Variants in ACTN2 observed in about 807,000 individuals in gnomAD.
ACTN2 encodes alpha-actinin-2.
A neutral mutation model predicts 113.8 loss-of-function variants in ACTN2; 39 were observed. The observed-to-expected ratio is 0.34, with a 90% CI of 0.27 to 0.45. The LOEUF is 0.45. Among genes scored for constraint, ACTN2 ranks in the 20% least tolerant of loss-of-function variants. The pLI, the probability that ACTN2 is intolerant of heterozygous loss-of-function variation, is 1.00. For missense variants in ACTN2, 992 were observed against 1,177.9 expected, an observed-to-expected ratio of 0.84 and a Z score of 2.31; for synonymous variants, 429 against 444.1, an observed-to-expected ratio of 0.97 and a Z score of 0.43.
chr1:236,710,376 G>A (rs76885273), intron 1 of ACTN2, among the ~76,000 whole-genome samples: 1,790 of 152,300 alleles, frequency 0.012, 36 homozygotes, highest in African/African-American at 0.04. Flanking sequence ...TCTTTTTGCC[G>A]TTAAGCACAT....
intron 13 of ACTN2, 180 bp downstream of exon 13, chr1:236,747,955 T>C: frequency 1.6e-6 from 1 of 622,232 alleles, no homozygotes; most frequent in Non-Finnish European, 2.9e-6. Flanking sequence ...AGCTTTGTGC[T>C]GTAATTTATC....
intron 9 of ACTN2, 103 bp downstream of exon 9, chr1:236,737,317 ATT>A: frequency 3.5e-6 from 1 of 288,944 alleles, no homozygotes; most frequent in Non-Finnish European, 7.1e-6. Flanking sequence ...ATATATATAT[ATT>A]TTGCATTTTT....
At chr1:236,709,293 T>C (rs1657942084) in intron 1 of ACTN2, among the ~76,000 whole-genome samples, 1 of 142,704 alleles carries the variant, frequency 7.0e-6, no homozygotes, top group Admixed American at 7.2e-5. Context: ...TATATATGTA[T>C]ATATGTATAT....
intron 1 of ACTN2, among the ~76,000 whole-genome samples, chr1:236,711,501 A>G (rs990960732): frequency 3.3e-5 from 5 of 152,158 alleles, no homozygotes; most frequent in Admixed American, 3.3e-4. Context: ...GGCATGCGCC[A>G]CCACGCCAGG....
chr1:236,715,844 T>A (rs1658188721), intron 1 of ACTN2, among the ~76,000 whole-genome samples: 1 of 152,176 alleles, frequency 6.6e-6, no homozygotes. Flanking sequence ...TATTCCTAGC[T>A]ACTAGGGTGG....
chr1:236,749,042 T>C (rs1659315959), intron 13 of ACTN2, 82 bp from the exon 14 acceptor site: 1 of 1,439,076 alleles, frequency 6.9e-7, no homozygotes, highest in South Asian at 1.2e-5. Flanking sequence ...GAGAATAGTC[T>C]GTTCTTATGG....
chr1:236,739,434 G>A lies in ACTN2; in HGVS notation c.1009G>A (p.Glu337Lys), dbSNP rs760884869. 1 of 1,614,102 alleles carries A rather than the reference G, an allele frequency of 6.2e-7. No individual in the cohort carries two copies. The highest frequency in any genetic ancestry group is 8.5e-7 in the Non-Finnish European group (1 of 1,180,028). Residue 337 changes from glutamate to lysine, a missense_variant, in exon 10 of 21, where the codon GAG (glutamate) becomes AAG (lysine). Glu to Lys is a moderately conservative substitution (Grantham distance 56). Around this residue, in one of 3 missense-constraint regions of ACTN2, gnomAD observed 736 missense variants for 815.4 expected, o/e 0.90. Transcript: ENST00000366578. ...GAAGCACAAGCCACCCAAGGTGCAG[G>A]AGAAATGCCAGCTGGAGATCAACTT... ...RRKHKPPKVQ[E>K]KCQLEINFNT...
intron 3 of ACTN2, 34 bp downstream of exon 3, chr1:236,719,047 A>C: frequency 6.2e-7 from 1 of 1,612,812 alleles, no homozygotes; most frequent in Non-Finnish European, 8.5e-7. Flanking sequence ...TGTCTGCCAC[A>C]CTGACCTAAT....
rs534602960 is a variant in ACTN2, at chr1:236,761,730, A to T, written c.2526+557A>T. 1.9e-3 allele frequency among the ~76,000 whole-genome samples: 282 copies of T among 152,260 alleles called. 1 individual carries two copies. The highest frequency in any genetic ancestry group is 6.5e-3 in the African/African-American group (271 of 41,530). The stretch of plus-strand genomic sequence containing the variant: ...TAATATTTTACCCCCCAAACAATAA[A>T]AACATCTCTATGTATAAATTCAATT... On this transcript the variant is annotated intron_variant, in intron 20 of 20. Coordinates refer to ENST00000366578, the MANE Select transcript of ACTN2 (RefSeq NM_001103.4).
At position 236,755,039 on chromosome 1, in the gene ACTN2, C is replaced by T; in HGVS notation, c.1995C>T (p.Ile665=). The change falls in exon 17 of 21, where the codon ATC becomes ATT. Residue 665 remains isoleucine (I), a synonymous_variant. Transcript: ENST00000366578. ...CTCAGGAGATTGCCCGGAGCTCCAT[C>T]CAGATCACAGGAGCCCTGGAAGACC... ...NKMEEIARSS[I]QITGALEDQM... is the part of the protein sequence containing the mutation. The T allele has an allele frequency of 6.2e-7, 1 of 1,614,220 alleles. No homozygotes were observed. The highest frequency in any genetic ancestry group is 8.5e-7 in the Non-Finnish European group (1 of 1,180,042).
intron 7 of ACTN2, among the ~76,000 whole-genome samples, chr1:236,733,593 G>T (rs1419989722): frequency 6.6e-6 from 1 of 152,200 alleles, no homozygotes; most frequent in Non-Finnish European, 1.5e-5. Context: ...GAATCTTCCG[G>T]CAAACAGTTC....
intron 6 of ACTN2, among the ~76,000 whole-genome samples, chr1:236,728,286 G>A (rs975329442): frequency 2.0e-5 from 3 of 152,040 alleles, no homozygotes; most frequent in Non-Finnish European, 4.4e-5. Context: ...TGGGACTACA[G>A]GCATCCGCCA....
chr1:236,751,832 G>A (rs1460098061), intron 15 of ACTN2, among the ~76,000 whole-genome samples, 180 bp downstream of exon 15: 2 of 152,132 alleles, frequency 1.3e-5, no homozygotes, highest in Non-Finnish European at 2.9e-5. Flanking sequence ...CTTCAGCAGC[G>A]TCTGCAGTTT....
rs1010449617 is a variant in ACTN2 at position 236,698,236 on chromosome 1, AC to A, written c.126+11438del. 5.9e-4 allele frequency among the ~76,000 whole-genome samples: 90 copies of A among 151,308 alleles called. 1 individual carries two copies. The East Asian group carries it at 0.01, about 17-fold the overall frequency. Reference sequence around the variant, plus strand: ...TTGTAAGATGCCTTAAAAAAAAAAAACATGATGTAGAATTAAACTCCAAGAT... The same window carrying A: ...TTGTAAGATGCCTTAAAAAAAAAAAAATGATGTAGAATTAAACTCCAAGAT... On this transcript the variant is annotated intron_variant, in intron 1 of 20. Coordinates refer to ENST00000366578, the MANE Select transcript of ACTN2 (RefSeq NM_001103.4).
intron 1 of ACTN2, among the ~76,000 whole-genome samples, chr1:236,695,902 G>A (rs1657484034): frequency 6.6e-6 from 1 of 152,268 alleles, no homozygotes; most frequent in South Asian, 2.1e-4. Context: ...ACTGAAAACA[G>A]ATTCTTATTA....
chr1:236,742,853 T>C, intron 10 of ACTN2, 43 bp from the exon 11 acceptor site: 1 of 1,612,980 alleles, frequency 6.2e-7, no homozygotes, highest in South Asian at 1.1e-5. Flanking sequence ...GTAACGAAGG[T>C]GCTTGTTACA....
rs375028580 is a variant in ACTN2 at position 236,726,228 on chromosome 1, A to G, written c.536+208A>G. ...TTAGCATGCTGGTAAACAGCACTGT[A>G]TTTGTAAGTGAATGGTATTGCAGTA... On this transcript the variant is annotated intron_variant, in intron 5 of 20. Transcript: ENST00000366578. 7.9e-5 allele frequency among the ~76,000 whole-genome samples: 12 copies of G among 152,326 alleles called. No homozygotes were observed. The East Asian group carries it at 2.1e-3, about 27-fold the overall frequency.
chr1:236,709,257 C>T (rs57296784), intron 1 of ACTN2, among the ~76,000 whole-genome samples: 2,787 of 86,596 alleles, frequency 0.032, 114 homozygotes, highest in African/African-American at 0.1. Flanking sequence ...TATATATATA[C>T]ACACACACAC....
intron 6 of ACTN2, among the ~76,000 whole-genome samples, chr1:236,730,916 T>C (rs1658695092): frequency 2.0e-5 from 3 of 152,232 alleles, no homozygotes; most frequent in Non-Finnish European, 4.4e-5. Flanking sequence ...TTTAGAATGA[T>C]TTAAATGTTA....
Sources: gnomAD v4.1 joint callset for allele counts (sites outside exome capture counted in the v4.1 genomes callset) on GRCh38, gnomAD v4.1.1 for gene constraint, gnomAD v4.1.1 regional missense constraint, MANE v1.5 for transcripts, NCBI Gene and HGNC (gene_info 2026-07-23, HGNC 2026-07-21) for gene names.